DMD: variants seen among roughly 807,000 people sequenced by gnomAD.
The protein encoded by DMD is dystrophin.
A neutral mutation model predicts 330.1 loss-of-function variants in DMD; 63 were observed. The ratio of observed to expected loss-of-function variants is 0.19; its 90% CI spans 0.16 to 0.24. The LOEUF is 0.24. Among genes scored for constraint, DMD ranks in the 10% least tolerant of loss-of-function variants. The pLI, the probability that DMD is intolerant of heterozygous loss-of-function variation, is 1.00. For synonymous variants in DMD, 1,223 were observed against 959.8 expected (o/e 1.27, Z -5.07); for missense variants, 3,344 against 2,684.1 (o/e 1.25, Z -5.43).
intron 11 of DMD, among the ~76,000 whole-genome samples, chrX:32,622,564 C>T (rs2058067388): frequency 9.0e-6 from 1 of 111,665 alleles, no homozygotes; most frequent in South Asian, 3.8e-4. Flanking sequence ...AACCCTAAAC[C>T]TTCCTTCCTA....
chrX:31,931,955 A>G, intron 46 of DMD, 125 bp downstream of exon 46: 1 of 824,508 alleles, frequency 1.2e-6, no homozygotes, highest in Non-Finnish European at 1.7e-6. Flanking sequence ...AAGTTGTGAG[A>G]AAAACACTTT....
At chrX:32,284,458 A>C (rs1352400671) in intron 43 of DMD, among the ~76,000 whole-genome samples, 1 of 111,866 alleles carries the variant, frequency 8.9e-6, no homozygotes, top group African/African-American at 3.3e-5. Context: ...GAAATTTGAA[A>C]GCATGTAAGA....
intron 1 of DMD, among the ~76,000 whole-genome samples, chrX:33,191,451 T>G: frequency 9.1e-6 from 1 of 110,149 alleles, no homozygotes; most frequent in African/African-American, 3.3e-5. Flanking sequence ...TGAGATAGAG[T>G]CTCGCTCTGT....
chrX:32,664,500 C>A (rs1053653968), intron 9 of DMD, among the ~76,000 whole-genome samples: 1 of 110,422 alleles, frequency 9.1e-6, no homozygotes, highest in Non-Finnish European at 1.9e-5. Flanking sequence ...CTCGGCCTCT[C>A]AAAGTGCTGG....
chrX:33,213,756 A>G (rs771478010), upstream of DMD, among the ~76,000 whole-genome samples: 18 of 112,115 alleles, frequency 1.6e-4, no homozygotes, highest in Non-Finnish European at 3.4e-4. Context: ...AATAACTACA[A>G]TTCAGTATCC....
chrX:31,461,355 T>C (rs758290427), intron 59 of DMD, among the ~76,000 whole-genome samples: 1 of 111,591 alleles, frequency 9.0e-6, no homozygotes, highest in South Asian at 3.8e-4. Context: ...TGGGACTTCT[T>C]AGCCTTGCCC....
intron 55 of DMD, among the ~76,000 whole-genome samples, chrX:31,570,648 T>C (rs911941866): frequency 3.7e-5 from 4 of 109,351 alleles, no homozygotes; most frequent in African/African-American, 1.3e-4. Flanking sequence ...ACTGGTCTTT[T>C]TTCCCTTTTC....
At chrX:32,242,291 A>G (rs768045891) in intron 43 of DMD, among the ~76,000 whole-genome samples, 12 of 111,403 alleles carry the variant, frequency 1.1e-4, no homozygotes, top group Non-Finnish European at 1.7e-4. Flanking sequence ...AACAAGGATC[A>G]CTCTGGGCCA....
chrX:31,478,344 A>G lies in DMD; in HGVS notation c.8699T>C (p.Val2900Ala). 8.3e-7 allele frequency: 1 copy of G among 1,211,920 alleles called. No individual in the cohort carries two copies. Among genetic ancestry groups the G allele is most frequent in the South Asian group, 1.8e-5 (1 of 56,998 alleles). Residue 2900 changes from valine (V) to alanine (A), a missense_variant, in exon 59 of 79, where the codon GTC becomes GCC. Physicochemically the swap from Val to Ala is moderately conservative, Grantham distance 64 (BLOSUM62 0). Transcript: ENST00000357033. ...ELPPEERAQN[V>A]TRLLRKQAEE... is the part of the protein sequence containing the mutation. ...AGCCTGCTTTCGTAGAAGCCGAGTGACATTCTGGGCTCTCTCCTCAGGAGG... is the reference window on the plus strand; with the variant it reads ...AGCCTGCTTTCGTAGAAGCCGAGTGGCATTCTGGGCTCTCTCCTCAGGAGG...
chrX:32,088,050 G>A (rs2096452047), intron 44 of DMD, among the ~76,000 whole-genome samples: 2 of 112,317 alleles, frequency 1.8e-5, no homozygotes, highest in African/African-American at 3.2e-5. Context: ...TAATATGGGT[G>A]TCTGCCACTC....
chrX:32,356,298 C>G (rs1049469010), intron 37 of DMD, among the ~76,000 whole-genome samples: 1 of 105,453 alleles, frequency 9.5e-6, no homozygotes, highest in East Asian at 3.0e-4. Flanking sequence ...GTCACTGACT[C>G]TCTCACAGCC....
At chrX:32,450,689 A>G (rs1267853310) in intron 26 of DMD, among the ~76,000 whole-genome samples, 1 of 110,703 alleles carries the variant, frequency 9.0e-6, no homozygotes, top group Non-Finnish European at 1.9e-5. Context: ...TCTCTTTCTC[A>G]TAGTTTCTGT....
At chrX:31,760,106 C>T (rs1366921520) in intron 51 of DMD, among the ~76,000 whole-genome samples, 4 of 111,706 alleles carry the variant, frequency 3.6e-5, no homozygotes, top group East Asian at 5.6e-4. Context: ...GGATAGGCAA[C>T]GTCTATGCAT....
At chrX:31,529,058 C>T (rs2073475230) in intron 55 of DMD, among the ~76,000 whole-genome samples, 1 of 111,277 alleles carries the variant, frequency 9.0e-6, no homozygotes, top group South Asian at 3.8e-4. Flanking sequence ...TCTGTCTCTA[C>T]TAAAAATACA....
intron 13 of DMD, among the ~76,000 whole-genome samples, chrX:32,576,221 A>G (rs763361406): frequency 1.3e-4 from 14 of 111,683 alleles, no homozygotes; most frequent in African/African-American, 4.5e-4. Context: ...AAAACCCTAT[A>G]TATAGTATTT....
At chrX:31,314,127 G>A (rs765248224) in intron 62 of DMD, among the ~76,000 whole-genome samples, 34 of 112,054 alleles carry the variant, frequency 3.0e-4, no homozygotes, top group Non-Finnish European at 4.7e-4. Context: ...GAGCCACCAC[G>A]CCCGACTGAT....
At chrX:31,439,238 T>C (rs1273378732) in intron 60 of DMD, among the ~76,000 whole-genome samples, 2 of 112,006 alleles carry the variant, frequency 1.8e-5, no homozygotes, top group Non-Finnish European at 3.8e-5. Context: ...AGAGAACCCA[T>C]CTTTAAAGCT....
At chrX:33,189,117 G>T (rs1038046025) in intron 1 of DMD, among the ~76,000 whole-genome samples, 4 of 109,956 alleles carry the variant, frequency 3.6e-5, no homozygotes, top group African/African-American at 1.3e-4. Flanking sequence ...TCTCCCCTTT[G>T]TATATATATA....
chrX:31,865,979 T>A (rs1167293848), intron 48 of DMD, among the ~76,000 whole-genome samples: 2 of 111,139 alleles, frequency 1.8e-5, no homozygotes, highest in East Asian at 5.7e-4. Context: ...ATTAGATGCT[T>A]CACCTCTATG....
Sources: gnomAD v4.1 joint callset for allele counts (sites outside exome capture counted in the v4.1 genomes callset) on GRCh38, gnomAD v4.1.1 for gene constraint, MANE v1.5 for transcripts, NCBI Gene and HGNC (gene_info 2026-07-23, HGNC 2026-07-21) for gene names.